The following GNB4 variants were observed in gnomAD, a reference collection of about 807,000 sequenced individuals.
The protein encoded by GNB4 is guanine nucleotide-binding protein subunit beta-4.
A neutral mutation model predicts 45.2 loss-of-function variants in GNB4; 28 were observed. The ratio of observed to expected loss-of-function variants is 0.62; its 90% confidence interval spans 0.46 to 0.85. The LOEUF is 0.85. Among genes scored for constraint, GNB4 ranks in the 40% least tolerant of loss-of-function variants. The probability of loss-of-function intolerance (pLI) is 0.00; values close to 1 mark genes in which losing one functional copy is unlikely to be tolerated. For missense variants in GNB4, 321 were observed against 425.4 expected, an observed-to-expected ratio of 0.75 and a Z score of 2.16; for synonymous variants, 132 against 143.7, an observed-to-expected ratio of 0.92 and a Z score of 0.58.
chr3:179,488,624 T>C, the GNB4 span, among the ~76,000 whole-genome samples: 3 of 152,162 alleles, frequency 2.0e-5, no homozygotes, highest in African/African-American at 7.2e-5. Context: ...GAAAATGCTC[T>C]AACTATAAAG....
chr3:179,478,208 T>G, the GNB4 span, among the ~76,000 whole-genome samples: 727 of 152,294 alleles, frequency 4.8e-3, 5 homozygotes, highest in Non-Finnish European at 5.6e-3. Context: ...AACATTAAAC[T>G]ATTCATGAGG....
chr3:179,442,926 G>A (rs547678736), intron 1 of GNB4, among the ~76,000 whole-genome samples: 1 of 152,178 alleles, frequency 6.6e-6, no homozygotes, highest in African/African-American at 2.4e-5. Flanking sequence ...CACCATACCC[G>A]GCAGTTTTGT....
At chr3:179,413,382 A>G (rs775641492) in intron 8 of GNB4, 30 bp downstream of exon 8, 6 of 1,572,416 alleles carry the variant, frequency 3.8e-6, no homozygotes, top group Non-Finnish European at 5.3e-6. Context: ...AATGCATAAT[A>G]AATTTTCTCT....
At chr3:179,428,972 A>G (rs113494390) in intron 1 of GNB4, among the ~76,000 whole-genome samples, 2 of 152,222 alleles carry the variant, frequency 1.3e-5, no homozygotes, top group African/African-American at 4.8e-5. Flanking sequence ...AGGTACCATG[A>G]ATAGAAATGG....
the GNB4 span, among the ~76,000 whole-genome samples, chr3:179,498,014 C>G: frequency 6.6e-6 from 1 of 152,302 alleles, no homozygotes; most frequent in East Asian, 1.9e-4. Flanking sequence ...AGAGAACTAC[C>G]TTATGATCCA....
chr3:179,464,814 T>G, the GNB4 span: 2 of 1,346,800 alleles, frequency 1.5e-6, no homozygotes, highest in Admixed American at 3.4e-5. Flanking sequence ...GCTGATGGCT[T>G]TCATGTAATT....
chr3:179,494,821 T>G, the GNB4 span, among the ~76,000 whole-genome samples: 1 of 140,700 alleles, frequency 7.1e-6, no homozygotes, highest in South Asian at 2.2e-4. Flanking sequence ...GGCAGGAGAA[T>G]GGCATGAACC....
At chr3:179,435,094 C>A (rs1715409272) in intron 1 of GNB4, among the ~76,000 whole-genome samples, 1 of 152,064 alleles carries the variant, frequency 6.6e-6, no homozygotes, top group African/African-American at 2.4e-5. Context: ...GAAGCTTAGG[C>A]AGGTTAAATA....
chr3:179,413,668 C>T, intron 7 of GNB4, 47 bp downstream of exon 7: 1 of 1,610,496 alleles, frequency 6.2e-7, no homozygotes, highest in Non-Finnish European at 8.5e-7. Flanking sequence ...TCAGTTCCTG[C>T]TACCACCCTC....
the GNB4 span, among the ~76,000 whole-genome samples, chr3:179,517,879 G>A: frequency 2.0e-5 from 3 of 152,086 alleles, no homozygotes; most frequent in South Asian, 2.1e-4. Flanking sequence ...ATTCACCCAC[G>A]TTTCAGAGGT....
chr3:179,479,499 A>G, the GNB4 span, among the ~76,000 whole-genome samples: 10 of 152,252 alleles, frequency 6.6e-5, no homozygotes, highest in Non-Finnish European at 8.8e-5. Context: ...ATTACTGACT[A>G]TAGCACCTCC....
the GNB4 span, among the ~76,000 whole-genome samples, chr3:179,501,490 ATT>A: frequency 1.4e-5 from 2 of 144,618 alleles, no homozygotes. Context: ...TTTGGTTTGG[ATT>A]TTTTTTTTTT....
chr3:179,512,429 A>C, the GNB4 span, among the ~76,000 whole-genome samples: 1 of 152,210 alleles, frequency 6.6e-6, no homozygotes, highest in African/African-American at 2.4e-5. Flanking sequence ...TTAGAGAACA[A>C]CTTTTCCATA....
the GNB4 span, among the ~76,000 whole-genome samples, chr3:179,500,859 T>G: frequency 1.3e-5 from 2 of 152,154 alleles, no homozygotes; most frequent in Non-Finnish European, 2.9e-5. Context: ...TGAATGGGAG[T>G]TCACTCATGA....
At chr3:179,522,006 C>A in the GNB4 span, among the ~76,000 whole-genome samples, 1 of 152,066 alleles carries the variant, frequency 6.6e-6, no homozygotes, top group Non-Finnish European at 1.5e-5. Context: ...CCATACCACC[C>A]CCAAAAATTT....
the GNB4 span, among the ~76,000 whole-genome samples, chr3:179,472,171 G>A: frequency 6.6e-6 from 1 of 151,866 alleles, no homozygotes; most frequent in Admixed American, 6.6e-5. Context: ...AAGTTTTAAT[G>A]CCAATTTTAT....
At chr3:179,505,138 A>G in the GNB4 span, among the ~76,000 whole-genome samples, 1 of 152,204 alleles carries the variant, frequency 6.6e-6, no homozygotes, top group Admixed American at 6.5e-5. Context: ...GGAGAGAAGG[A>G]GCCAGCACCT....
At chr3:179,413,268 A>T (rs1295365546) in intron 8 of GNB4, 144 bp downstream of exon 8, 2 of 647,630 alleles carry the variant, frequency 3.1e-6, no homozygotes, top group Non-Finnish European at 5.4e-6. Flanking sequence ...AAAAAATCAA[A>T]AACCCTTATG....
Position 179,419,483 on chromosome 3 carries a change from A to G in GNB4, c.119T>C (p.Val40Ala). Residue 40 changes from valine to alanine, a missense_variant, in exon 4 of 10, where the codon GTG (valine) becomes GCG (alanine). By Grantham distance (64) the Val-to-Ala change is moderately conservative (BLOSUM62 0). Coordinates refer to ENST00000232564, the MANE Select transcript of GNB4 (RefSeq NM_021629.4). ...LVQITSNMDS[V>A]GRIQMRTRRT... ...TCTTGTTCGCATTTGTATTCGACCCACAGAGTCCATATTTGATGTAATCTT... is the reference window on the plus strand; with the variant it reads ...TCTTGTTCGCATTTGTATTCGACCCGCAGAGTCCATATTTGATGTAATCTT... The G allele has an allele frequency of 6.2e-7, 1 of 1,609,730 alleles. No homozygotes were observed. The highest frequency in any genetic ancestry group is 8.5e-7 in the Non-Finnish European group (1 of 1,176,048).
Sources: allele counts gnomAD v4.1 joint callset (sites outside exome capture counted in the v4.1 genomes callset), GRCh38; gene constraint gnomAD v4.1.1; transcripts MANE v1.5; gene names NCBI Gene and HGNC (gene_info 2026-07-23, HGNC 2026-07-21).